Variants in ATG16L1 observed in about 807,000 individuals in gnomAD.
The protein encoded by ATG16L1 is autophagy related 16 like 1.
In ATG16L1, 37 loss-of-function variants were observed where a neutral mutation model predicts 88.5. The observed-to-expected ratio is 0.42, with a 90% confidence interval of 0.32 to 0.55. ATG16L1 has a LOEUF of 0.55. Ranked by LOEUF, ATG16L1 falls within the 20% of genes least tolerant of loss-of-function variation. The pLI is 0.13. For missense variants in ATG16L1, 554 were observed against 752.8 expected, an observed-to-expected ratio of 0.74 and a Z score of 3.09; for synonymous variants, 301 against 281.0, an observed-to-expected ratio of 1.07 and a Z score of -0.71.
intron 14 of ATG16L1, among the ~76,000 whole-genome samples, chr2:233,290,920 G>A (rs1038067889): frequency 3.9e-5 from 6 of 152,170 alleles, no homozygotes; most frequent in Admixed American, 2.0e-4. Flanking sequence ...TAAGTCGTTG[G>A]GTGTTTAGCA....
intron 9 of ATG16L1, 173 bp from the exon 10 acceptor site, chr2:233,277,395 A>G (rs1193213647): frequency 1.8e-6 from 1 of 567,106 alleles, no homozygotes; most frequent in East Asian, 3.1e-5. Flanking sequence ...GAAGAATAAA[A>G]TGATAATAGA....
At chr2:233,276,649 T>C (rs1698393016) in intron 9 of ATG16L1, among the ~76,000 whole-genome samples, 1 of 152,142 alleles carries the variant, frequency 6.6e-6, no homozygotes, top group African/African-American at 2.4e-5. Flanking sequence ...ATTTTTGTTT[T>C]TTAGTTTTTA....
At chr2:233,253,569 C>T (rs1467426751) in intron 1 of ATG16L1, among the ~76,000 whole-genome samples, 1 of 152,046 alleles carries the variant, frequency 6.6e-6, no homozygotes, top group Non-Finnish European at 1.5e-5. Context: ...GGATCTTGAA[C>T]TTCTGACCTC....
intron 5 of ATG16L1, among the ~76,000 whole-genome samples, chr2:233,268,891 C>A (rs559953640): frequency 6.6e-6 from 1 of 152,150 alleles, no homozygotes; most frequent in South Asian, 2.1e-4. Flanking sequence ...TAAAAACTTA[C>A]GAGAAATTTC....
chr2:233,280,970 T>A, intron 10 of ATG16L1, 135 bp from the exon 11 acceptor site: 1 of 561,594 alleles, frequency 1.8e-6, no homozygotes, highest in Non-Finnish European at 3.1e-6. Flanking sequence ...GCTATTTTGT[T>A]TGATTCTGTA....
At chr2:233,293,383 CCGTT>C (rs756820816) in intron 17 of ATG16L1, 26 bp downstream of exon 17, 2 of 1,599,234 alleles carry the variant, frequency 1.3e-6, no homozygotes, top group South Asian at 2.2e-5. Context: ...TCTCAGCCCC[CCGTT>C]GCGTTGTGAG....
At chr2:233,284,721 C>T (rs1437860676) in intron 12 of ATG16L1, among the ~76,000 whole-genome samples, 4 of 152,158 alleles carry the variant, frequency 2.6e-5, no homozygotes, top group East Asian at 1.9e-4. Flanking sequence ...CCGTCTGCCT[C>T]GGCCTCCCAA....
intron 12 of ATG16L1, among the ~76,000 whole-genome samples, chr2:233,284,309 G>A (rs1016802226): frequency 4.6e-5 from 7 of 151,454 alleles, no homozygotes; most frequent in South Asian, 2.1e-4. Context: ...CACCACGCCC[G>A]GCTAATTTTT....
intron 12 of ATG16L1, among the ~76,000 whole-genome samples, chr2:233,285,022 C>A (rs941995886): frequency 3.3e-5 from 5 of 152,318 alleles, no homozygotes; most frequent in African/African-American, 1.2e-4. Context: ...GTCTTAATGA[C>A]GGACTAGGGA....
At chr2:233,252,048 A>C (rs1296625744) in intron 1 of ATG16L1, 106 bp downstream of exon 1, 7 of 974,040 alleles carry the variant, frequency 7.2e-6, no homozygotes, top group Admixed American at 4.0e-5. Context: ...GCCCGCACGC[A>C]TGGCGGCCGC....
intron 12 of ATG16L1, among the ~76,000 whole-genome samples, chr2:233,288,170 T>G (rs1274618314): frequency 6.6e-6 from 1 of 152,138 alleles, no homozygotes; most frequent in Non-Finnish European, 1.5e-5. Flanking sequence ...GCTTCCCTCA[T>G]TGAAGCTGAG....
Position 233,282,708 on chromosome 2 carries a change from T to C in ATG16L1, c.1158T>C (p.Asn386=). ...SAGSYLLAAS[N]DFASRIWTVD... is the part of the protein sequence containing the mutation. ...GATCTTACCTCTTAGCAGCTTCAAA[T>C]GATTTTGCAAGCCGAATCTGGACTG... The change falls in exon 12 of 18, where the codon AAT becomes AAC. Residue 386 remains asparagine (N), a synonymous_variant. Coordinates refer to ENST00000392017, the MANE Select transcript of ATG16L1 (RefSeq NM_030803.7). 1 of 1,614,070 alleles carries C rather than the reference T, an allele frequency of 6.2e-7. No individual in the cohort carries two copies. The highest frequency in any genetic ancestry group is 2.2e-5 in the East Asian group (1 of 44,894).
chr2:233,279,222 G>A (rs899698610), intron 10 of ATG16L1, among the ~76,000 whole-genome samples: 1 of 152,174 alleles, frequency 6.6e-6, no homozygotes, highest in African/African-American at 2.4e-5. Context: ...CAAAATCAAA[G>A]TAAACAGTCT....
At chr2:233,280,009 A>G (rs965345021) in intron 10 of ATG16L1, among the ~76,000 whole-genome samples, 1 of 152,182 alleles carries the variant, frequency 6.6e-6, no homozygotes, top group Non-Finnish European at 1.5e-5. Flanking sequence ...GCCTTTTTCA[A>G]CCCTTTTGAA....
At chr2:233,280,371 G>A (rs552496586) in intron 10 of ATG16L1, among the ~76,000 whole-genome samples, 22 of 152,272 alleles carry the variant, frequency 1.4e-4, no homozygotes, top group African/African-American at 5.3e-4. Flanking sequence ...TTCTCAGTTT[G>A]GGATTGCCCG....
intron 12 of ATG16L1, among the ~76,000 whole-genome samples, chr2:233,289,408 T>TGTGTGTGTGAGAGAGAGA (rs144316394): frequency 5.4e-5 from 8 of 149,532 alleles, no homozygotes; most frequent in East Asian, 2.0e-4. Flanking sequence ...TGTGTGTGTG[T>TGTGTGTGTGAGAGAGAGA]GACAGGATCT....
chr2:233,273,494 T>C, intron 7 of ATG16L1: 1 of 547,378 alleles, frequency 1.8e-6, no homozygotes, highest in Non-Finnish European at 3.2e-6. Context: ...GGGAAATTAA[T>C]TTAATACTAG....
intron 4 of ATG16L1, 34 bp from the exon 5 acceptor site, chr2:233,264,858 A>G: frequency 6.2e-7 from 1 of 1,611,640 alleles, no homozygotes; most frequent in Non-Finnish European, 8.5e-7. Context: ...GGCTCTGGCG[A>G]GGTACTATTC....
intron 12 of ATG16L1, among the ~76,000 whole-genome samples, chr2:233,287,440 C>T (rs1475106478): frequency 6.6e-6 from 1 of 152,186 alleles, no homozygotes; most frequent in Non-Finnish European, 1.5e-5. Context: ...AGTTGAGGAT[C>T]ATCTGTACTT....
Sources: allele counts gnomAD v4.1 joint callset (sites outside exome capture counted in the v4.1 genomes callset), GRCh38; gene constraint gnomAD v4.1.1; transcripts MANE v1.5; gene names NCBI Gene and HGNC (gene_info 2026-07-23, HGNC 2026-07-21).